Variants in GSK3B observed in about 807,000 individuals in gnomAD.
GSK3B encodes glycogen synthase kinase 3 beta.
GSK3B carries 15 observed loss-of-function variants against 56.4 expected under a neutral mutation model. That is an observed-to-expected ratio of 0.27 (90% CI 0.18 to 0.41). The LOEUF is 0.41. Ranked by LOEUF, GSK3B falls within the 10% of genes least tolerant of loss-of-function variation. GSK3B has a pLI of 1.00. For synonymous variants in GSK3B, 181 were observed against 188.9 expected (o/e 0.96, Z 0.34); for missense variants, 300 against 513.4 (o/e 0.58, Z 4.02).
chr3:119,957,265 A>G (rs538229642), intron 2 of GSK3B, among the ~76,000 whole-genome samples: 6 of 152,340 alleles, frequency 3.9e-5, no homozygotes, highest in Non-Finnish European at 8.8e-5. Context: ...TAGGCTTAAC[A>G]TGTTCTGTAA....
In GSK3B at chr3:119,923,507, C is replaced by A; in HGVS notation, c.367-24G>T. 3 of 1,169,088 alleles carry A rather than the reference C, an allele frequency of 2.6e-6. No homozygotes were observed. The highest frequency in any genetic ancestry group is 3.7e-6 in the Non-Finnish European group (3 of 808,638). The allele number at this position is 1,169,088 out of a possible 1,614,324, so 72.4% of individuals were successfully genotyped here. ...TTCTGAAAGAGTTTATTTAAAAAAA[C>A]AAAAAACAAAACAGATTAGAAACTG... On this transcript the variant is annotated intron_variant, in intron 3 of 10. Transcript: ENST00000264235.
At chr3:119,980,647 C>T (rs925816091) in intron 2 of GSK3B, among the ~76,000 whole-genome samples, 1 of 152,152 alleles carries the variant, frequency 6.6e-6, no homozygotes, top group Non-Finnish European at 1.5e-5. Flanking sequence ...AGACACCGCA[C>T]CCAGCCTTGT....
intron 3 of GSK3B, among the ~76,000 whole-genome samples, chr3:119,935,030 GAGC>G (rs1383818041): frequency 6.6e-6 from 1 of 151,974 alleles, no homozygotes; most frequent in Non-Finnish European, 1.5e-5. Flanking sequence ...GATTATTTTT[GAGC>G]AGATGATAAT....
chr3:119,952,797 A>G (rs1001732990), intron 2 of GSK3B, among the ~76,000 whole-genome samples: 1 of 152,154 alleles, frequency 6.6e-6, no homozygotes, highest in Non-Finnish European at 1.5e-5. Flanking sequence ...GGAAGAATAA[A>G]GACATCCTCA....
intron 1 of GSK3B, among the ~76,000 whole-genome samples, chr3:120,005,309 C>T (rs945556005): frequency 2.6e-5 from 4 of 152,136 alleles, no homozygotes; most frequent in Non-Finnish European, 5.9e-5. Context: ...GAATGGTGTA[C>T]CTGAAAGTGA....
At chr3:119,947,852 T>C (rs373855224) in intron 2 of GSK3B, among the ~76,000 whole-genome samples, 229 of 139,188 alleles carry the variant, frequency 1.6e-3, no homozygotes, top group Admixed American at 3.7e-3. Context: ...AAAAAGTGAA[T>C]GCAGAGCGAA....
intron 3 of GSK3B, among the ~76,000 whole-genome samples, chr3:119,932,618 T>C (rs2056957506): frequency 6.6e-6 from 1 of 151,472 alleles, no homozygotes; most frequent in South Asian, 2.1e-4. Flanking sequence ...CCAATTTGAT[T>C]ACACAGAACT....
At chr3:119,953,467 T>G (rs1233031617) in intron 2 of GSK3B, among the ~76,000 whole-genome samples, 1 of 151,682 alleles carries the variant, frequency 6.6e-6, no homozygotes, top group Non-Finnish European at 1.5e-5. Context: ...ACAAACAACT[T>G]AAAAGTAAAA....
At chr3:120,029,440 A>T in intron 1 of GSK3B, 1 of 719,178 alleles carries the variant, frequency 1.4e-6, no homozygotes, top group Non-Finnish European at 2.6e-6. Flanking sequence ...CTTCGCCTCC[A>T]GCACAGTGAA....
chr3:120,032,794 T>C (rs1212470040), intron 1 of GSK3B, among the ~76,000 whole-genome samples: 1 of 152,270 alleles, frequency 6.6e-6, no homozygotes. Context: ...TATTCCAATA[T>C]GTACATTTCC....
intron 2 of GSK3B, among the ~76,000 whole-genome samples, chr3:119,956,392 T>C (rs2057215303): frequency 6.6e-6 from 1 of 152,192 alleles, no homozygotes; most frequent in South Asian, 2.1e-4. Flanking sequence ...TGAATACACA[T>C]TATCCGAAAT....
At chr3:119,946,156 G>A (rs141468328) in intron 3 of GSK3B, among the ~76,000 whole-genome samples, 1 of 150,788 alleles carries the variant, frequency 6.6e-6, no homozygotes, top group African/African-American at 2.4e-5. Context: ...TTGTTAAAAC[G>A]TATTGTGTAA....
chr3:120,007,507 G>A (rs983351343), intron 1 of GSK3B, among the ~76,000 whole-genome samples: 6 of 152,104 alleles, frequency 3.9e-5, no homozygotes, highest in African/African-American at 9.7e-5. Context: ...ACACTGATGC[G>A]AAAATCCTCA....
intron 1 of GSK3B, among the ~76,000 whole-genome samples, chr3:120,089,621 CAACTT>C (rs971819802): frequency 7.9e-5 from 12 of 152,258 alleles, no homozygotes; most frequent in Admixed American, 3.3e-4. Context: ...TATGAGGAAA[CAACTT>C]AAGTGATACA....
chr3:119,922,228 G>GGGAGGGAAGGAAGGAAGGAAGGAA (rs1406341579), intron 4 of GSK3B, among the ~76,000 whole-genome samples: 1 of 61,490 alleles, frequency 1.6e-5, no homozygotes, highest in African/African-American at 9.0e-5. Flanking sequence ...GAAGGAAGGA[G>GGGAGGGAAGGAAGGAAGGAAGGAA]GGAAGGAAGG....
intron 2 of GSK3B, among the ~76,000 whole-genome samples, chr3:119,993,138 T>A (rs1405136281): frequency 7.4e-6 from 1 of 134,540 alleles, no homozygotes. Flanking sequence ...ACCTCCTGTG[T>A]AAGGAAGAAA....
chr3:119,939,093 A>G (rs1216366296), intron 3 of GSK3B, among the ~76,000 whole-genome samples: 2 of 151,944 alleles, frequency 1.3e-5, no homozygotes, highest in African/African-American at 4.8e-5. Context: ...GGCTGGGGGG[A>G]GAGAAAATAG....
intron 7 of GSK3B, among the ~76,000 whole-genome samples, chr3:119,887,941 C>T (rs1471929335): frequency 6.6e-6 from 1 of 151,974 alleles, no homozygotes; most frequent in Non-Finnish European, 1.5e-5. Context: ...AAATAGAGAT[C>T]TCTCCAAAAA....
At chr3:119,883,324 A>C (rs2056399550) in intron 7 of GSK3B, among the ~76,000 whole-genome samples, 1 of 152,154 alleles carries the variant, frequency 6.6e-6, no homozygotes. Context: ...TATAGGAAAA[A>C]AAGCACTTAT....
Sources: allele counts gnomAD v4.1 joint callset (sites outside exome capture counted in the v4.1 genomes callset), GRCh38; gene constraint gnomAD v4.1.1; transcripts MANE v1.5; gene names NCBI Gene and HGNC (gene_info 2026-07-23, HGNC 2026-07-21).